RPS18: variants seen among roughly 807,000 people sequenced by gnomAD.
RPS18 encodes the protein ribosomal protein S18.
For missense variants in RPS18, 49 were observed against 200.8 expected, an observed-to-expected ratio of 0.24 and a Z score of 4.57; for synonymous variants, 64 against 70.9, an observed-to-expected ratio of 0.90 and a Z score of 0.49.
At chr6:33,272,331 C>CT (rs1765258189) in intron 1 of RPS18, 1 of 637,512 alleles carries the variant, frequency 1.6e-6, no homozygotes, top group Non-Finnish European at 2.7e-6. Context: ...CGAAAGCTGT[C>CT]TAAGGCTTGG....
chr6:33,275,952 G>A lies in RPS18; in HGVS notation c.190-13G>A. On this transcript the variant is annotated splice_polypyrimidine_tract_variant and intron_variant, in intron 3 of 5. Coordinates refer to ENST00000439602, the MANE Select transcript of RPS18 (RefSeq NM_022551.3). ...AGGGGTCCATCTAGATCTGACCTTGGTCTGCCTGCCAGGTGGAACGTGTGA... is the reference window on the plus strand; with the variant it reads ...AGGGGTCCATCTAGATCTGACCTTGATCTGCCTGCCAGGTGGAACGTGTGA... 1 of 1,613,400 alleles carries A rather than the reference G, an allele frequency of 6.2e-7. No individual in the cohort carries two copies. Among genetic ancestry groups the A allele is most frequent in the Middle Eastern group, 1.7e-4 (1 of 6,044 alleles).
intron 2 of RPS18, 121 bp from the exon 3 acceptor site, chr6:33,275,676 A>AC (rs1485189129): frequency 6.6e-6 from 5 of 754,682 alleles, no homozygotes; most frequent in African/African-American, 1.7e-5. Flanking sequence ...GGAAAGGGTG[A>AC]CCTAGGGGAT....
At chr6:33,275,238 A>C (rs1020084408) in intron 2 of RPS18, 2 of 121,902 alleles carry the variant, frequency 1.6e-5, no homozygotes. Flanking sequence ...CAATGGGGGA[A>C]AAAAAAGATA....
chr6:33,272,202 T>C (rs1399256937), intron 1 of RPS18, 80 bp downstream of exon 1: 2 of 1,495,900 alleles, frequency 1.3e-6, no homozygotes, highest in Non-Finnish European at 1.8e-6. Context: ...TCTGGAAACG[T>C]CCTGCCCTGA....
At chr6:33,272,238 C>T (rs953278633) in intron 1 of RPS18, 116 bp downstream of exon 1, 10 of 1,173,276 alleles carry the variant, frequency 8.5e-6, no homozygotes, top group Admixed American at 6.3e-5. Context: ...TGTATGGAGC[C>T]TTGGATCGCG....
At chr6:33,273,944 T>C (rs1434696427) in intron 2 of RPS18, among the ~76,000 whole-genome samples, 3 of 151,774 alleles carry the variant, frequency 2.0e-5, no homozygotes, top group Non-Finnish European at 4.4e-5. Flanking sequence ...ACCTAATAAT[T>C]TGACCCTTGG....
chr6:33,272,794 T>C (rs1328830494), intron 2 of RPS18, 68 bp downstream of exon 2: 1 of 827,296 alleles, frequency 1.2e-6, no homozygotes, highest in Non-Finnish European at 2.2e-6. Context: ...TAAGCAAAAA[T>C]GAAGCAAGGC....
chr6:33,272,567 T>C (rs1765287472), intron 1 of RPS18, 61 bp from the exon 2 acceptor site: 1 of 818,522 alleles, frequency 1.2e-6, no homozygotes, highest in Admixed American at 1.7e-5. Flanking sequence ...GTTTGCCTTA[T>C]CGGCCTTACT....
Position 33,276,451 on chromosome 6 carries a change from G to A in RPS18, c.444G>A (p.Val148=). Residue 148 remains valine (V), a synonymous_variant, in exon 6 of 6, where the codon GTG becomes GTA. Coordinates refer to ENST00000439602, the MANE Select transcript of RPS18 (RefSeq NM_022551.3). ...GCCGCCGTGGCCGCACCGTGGGTGT[G>A]TCCAAGAAGAAATAAGTCTGTAGGC... is the stretch of plus-strand genomic sequence containing the variant. ...TTGRRGRTVG[V]SKKK The A allele has an allele frequency of 6.2e-7, 1 of 1,612,224 alleles. No individual in the cohort carries two copies. The highest frequency in any genetic ancestry group is 2.2e-5 in the East Asian group (1 of 44,888).
intron 2 of RPS18, 118 bp from the exon 3 acceptor site, chr6:33,275,679 T>C (rs537869269): frequency 1.3e-6 from 1 of 765,972 alleles, no homozygotes; most frequent in Admixed American, 1.8e-5. Flanking sequence ...AAGGGTGACC[T>C]AGGGGATTGC....
intron 2 of RPS18, 96 bp from the exon 3 acceptor site, chr6:33,275,701 T>G: frequency 6.0e-6 from 5 of 837,652 alleles, no homozygotes; most frequent in Non-Finnish European, 8.3e-6. Context: ...AAATAGATTA[T>G]TGCAGATCCT....
intron 2 of RPS18, among the ~76,000 whole-genome samples, chr6:33,273,106 G>A (rs897654212): frequency 1.1e-4 from 16 of 152,152 alleles, no homozygotes; most frequent in Admixed American, 2.0e-4. Flanking sequence ...TATTCCCTGA[G>A]AATTGGAGGA....
chr6:33,275,806 C>A lies in RPS18; in HGVS notation c.112C>A (p.Arg38=), dbSNP rs368703208. 5 of 1,609,770 alleles carry A rather than the reference C, an allele frequency of 3.1e-6. No homozygotes were observed. Among genetic ancestry groups the A allele is most frequent in the Non-Finnish European group, 3.4e-6 (4 of 1,177,316 alleles). The stretch of plus-strand genomic sequence containing the variant: ...CCCTCACTTCATTCAGGGTGTGGGC[C>A]GAAGATATGCTCATGTGGTGTTGAG... ...FAITAIKGVG[R]RYAHVVLRKA... is the part of the protein sequence containing the mutation. Residue 38 remains arginine (R), a synonymous_variant, in exon 3 of 6, where the codon CGA becomes AGA. Transcript: ENST00000439602.
intron 4 of RPS18, 28 bp downstream of exon 4, chr6:33,276,094 G>C: frequency 1.9e-6 from 3 of 1,607,970 alleles, no homozygotes; most frequent in Non-Finnish European, 2.6e-6. Context: ...GGCAGGATTA[G>C]AGGAAGGGTG....
At chr6:33,276,108 G>A (rs1473367797) in intron 4 of RPS18, 42 bp downstream of exon 4, 20 of 1,604,494 alleles carry the variant, frequency 1.2e-5, no homozygotes, top group Non-Finnish European at 1.5e-5. Context: ...AAGGGTGGAG[G>A]GTCCTAACAG....
chr6:33,276,155 T>C (rs1271272712), intron 4 of RPS18, 21 bp from the exon 5 acceptor site: 2 of 1,612,562 alleles, frequency 1.2e-6, no homozygotes, highest in African/African-American at 2.7e-5. Flanking sequence ...AAACATCCCT[T>C]GCCCCCTCCT....
chr6:33,272,493 T>G, intron 1 of RPS18, 135 bp from the exon 2 acceptor site: 1 of 721,626 alleles, frequency 1.4e-6, no homozygotes, highest in Non-Finnish European at 2.6e-6. Context: ...TGTGAAAACC[T>G]AAGGAATGGG....
rs1276150429 is a variant in RPS18 at position 33,275,790 on chromosome 6, C to T, written c.103-7C>T. On this transcript the variant is annotated splice_region_variant and splice_polypyrimidine_tract_variant and intron_variant, in intron 2 of 5. Coordinates refer to ENST00000439602, the MANE Select transcript of RPS18 (RefSeq NM_022551.3). ...ACACTAATTCCGAAACCCCTCACTT[C>T]ATTCAGGGTGTGGGCCGAAGATATG... 3 of 1,587,842 alleles carry T rather than the reference C, an allele frequency of 1.9e-6. No homozygotes were observed. Among genetic ancestry groups the T allele is most frequent in the Non-Finnish European group, 2.6e-6 (3 of 1,157,426 alleles).
At chr6:33,273,715 G>A (rs772452808) in intron 2 of RPS18, among the ~76,000 whole-genome samples, 9 of 152,156 alleles carry the variant, frequency 5.9e-5, no homozygotes, top group African/African-American at 1.9e-4. Context: ...CTAAAAATTA[G>A]AAATCTTATT....
Sources: gnomAD v4.1 joint callset for allele counts (sites outside exome capture counted in the v4.1 genomes callset) on GRCh38, gnomAD v4.1.1 for gene constraint, MANE v1.5 for transcripts, NCBI Gene and HGNC (gene_info 2026-07-23, HGNC 2026-07-21) for gene names.